Variants in THADA observed in about 807,000 individuals in gnomAD.
THADA encodes the protein THADA armadillo repeat containing, also known as tRNA (32-2'-O)-methyltransferase regulator THADA.
In THADA, 213 loss-of-function variants were observed where a neutral mutation model predicts 219.8. The observed-to-expected ratio is 0.97, with a 90% CI of 0.87 to 1.09. The LOEUF (loss-of-function observed/expected upper bound fraction) is 1.09, where lower values mean the gene tolerates loss of function less well. Among genes scored for constraint, THADA ranks in the 50% least tolerant of loss-of-function variants. THADA has a pLI of 0.00. For missense variants in THADA, 2,956 were observed against 2,311.3 expected, an observed-to-expected ratio of 1.28 and a Z score of -5.72; for synonymous variants, 1,018 against 828.9, an observed-to-expected ratio of 1.23 and a Z score of -3.92.
At chr2:43,386,752 C>T (rs1476369900) in intron 29 of THADA, among the ~76,000 whole-genome samples, 2 of 151,960 alleles carry the variant, frequency 1.3e-5, no homozygotes, top group African/African-American at 4.8e-5. Context: ...AAAAATTAGC[C>T]AGGTGCCAGT....
intron 27 of THADA, among the ~76,000 whole-genome samples, chr2:43,428,561 C>T (rs1337923644): frequency 2.6e-5 from 4 of 152,122 alleles, no homozygotes; most frequent in East Asian, 3.9e-4. Context: ...GCCAAGATCA[C>T]GCCACTGCAC....
At chr2:43,263,918 G>A (rs1170495244) in intron 36 of THADA, among the ~76,000 whole-genome samples, 6 of 151,756 alleles carry the variant, frequency 4.0e-5, no homozygotes, top group Admixed American at 3.9e-4. Flanking sequence ...ATACAGCTAA[G>A]CCTTTCATTA....
At chr2:43,493,564 G>A (rs942873540) in intron 25 of THADA, among the ~76,000 whole-genome samples, 1 of 152,062 alleles carries the variant, frequency 6.6e-6, no homozygotes, top group Non-Finnish European at 1.5e-5. Context: ...TTTTTGGGCG[G>A]GCTCCACTGG....
At chr2:43,356,956 A>G (rs752232437) in intron 29 of THADA, among the ~76,000 whole-genome samples, 8 of 152,212 alleles carry the variant, frequency 5.3e-5, no homozygotes, top group Admixed American at 2.0e-4. Context: ...CAACTTTGCA[A>G]AAAGATACAG....
At chr2:43,376,708 C>A (rs779050997) in intron 29 of THADA, among the ~76,000 whole-genome samples, 1 of 152,164 alleles carries the variant, frequency 6.6e-6, no homozygotes, top group Non-Finnish European at 1.5e-5. Flanking sequence ...AGATACATTA[C>A]AACACACTTA....
At chr2:43,472,830 A>G (rs1685061641) in intron 26 of THADA, among the ~76,000 whole-genome samples, 1 of 152,210 alleles carries the variant, frequency 6.6e-6, no homozygotes, top group Non-Finnish European at 1.5e-5. Flanking sequence ...TATTGTACTA[A>G]ATACTGTAGG....
At chr2:43,380,092 T>G (rs1420092172) in intron 29 of THADA, among the ~76,000 whole-genome samples, 1 of 152,204 alleles carries the variant, frequency 6.6e-6, no homozygotes, top group Non-Finnish European at 1.5e-5. Flanking sequence ...TATGATATTA[T>G]AGTGGTGGGT....
intron 29 of THADA, among the ~76,000 whole-genome samples, chr2:43,371,336 A>G (rs1022037706): frequency 6.6e-6 from 1 of 152,212 alleles, no homozygotes; most frequent in Admixed American, 6.5e-5. Context: ...TCTGAAATGT[A>G]TAGCTTGATG....
intron 7 of THADA, among the ~76,000 whole-genome samples, chr2:43,584,677 T>C (rs749854117): frequency 6.6e-6 from 1 of 152,170 alleles, no homozygotes; most frequent in Non-Finnish European, 1.5e-5. Flanking sequence ...GGATGAGTGA[T>C]AACTGACAGC....
intron 36 of THADA, among the ~76,000 whole-genome samples, chr2:43,242,233 TACC>T (rs906136039): frequency 5.9e-5 from 9 of 152,260 alleles, no homozygotes; most frequent in Non-Finnish European, 7.3e-5. Flanking sequence ...ACTGCCCAGA[TACC>T]ACCCGCTTAG....
chr2:43,528,676 A>G (rs1309509963), intron 21 of THADA, among the ~76,000 whole-genome samples: 2 of 152,168 alleles, frequency 1.3e-5, no homozygotes, highest in African/African-American at 4.8e-5. Context: ...CACAAACCTC[A>G]GTATGTTTTC....
intron 36 of THADA, among the ~76,000 whole-genome samples, chr2:43,278,715 T>C (rs940462650): frequency 3.9e-5 from 6 of 152,186 alleles, no homozygotes; most frequent in African/African-American, 1.4e-4. Context: ...ACAGACCATT[T>C]TGACTGAGGA....
intron 26 of THADA, among the ~76,000 whole-genome samples, chr2:43,476,829 C>A (rs1421840204): frequency 6.6e-6 from 1 of 152,082 alleles, no homozygotes; most frequent in Non-Finnish European, 1.5e-5. Context: ...TACTAATGGT[C>A]AAATCATTGG....
At chr2:43,508,501 T>A (rs1689983222) in intron 23 of THADA, 147 bp downstream of exon 23, 3 of 775,802 alleles carry the variant, frequency 3.9e-6, no homozygotes, top group Non-Finnish European at 5.8e-6. Context: ...CATCCCCACA[T>A]TAAAACAAAG....
chr2:43,416,861 G>A (rs1234829238), intron 28 of THADA, among the ~76,000 whole-genome samples: 1 of 152,158 alleles, frequency 6.6e-6, no homozygotes. Flanking sequence ...GCAGTTTCCT[G>A]AAGTTATTAT....
At chr2:43,455,156 C>T (rs1682828360) in intron 26 of THADA, among the ~76,000 whole-genome samples, 1 of 152,148 alleles carries the variant, frequency 6.6e-6, no homozygotes, top group Admixed American at 6.5e-5. Context: ...CATGTTCCAT[C>T]TCCCTCTCTC....
chr2:43,543,899 G>T (rs570162259), intron 20 of THADA, among the ~76,000 whole-genome samples: 43 of 151,798 alleles, frequency 2.8e-4, no homozygotes, highest in African/African-American at 1.0e-3. Flanking sequence ...GTCAATTTTG[G>T]CTTTTGTTGC....
At chr2:43,300,822 C>A (rs1676170636) in intron 31 of THADA, among the ~76,000 whole-genome samples, 1 of 152,170 alleles carries the variant, frequency 6.6e-6, no homozygotes, top group Non-Finnish European at 1.5e-5. Context: ...TGCAGCAACT[C>A]GGACTCAAGG....
chr2:43,258,037 C>T (rs1342467123), intron 36 of THADA, among the ~76,000 whole-genome samples: 1 of 152,116 alleles, frequency 6.6e-6, no homozygotes, highest in Non-Finnish European at 1.5e-5. Context: ...ATTACTGACA[C>T]CTCCTACTGC....
Sources: allele counts gnomAD v4.1 joint callset (sites outside exome capture counted in the v4.1 genomes callset), GRCh38; gene constraint gnomAD v4.1.1; transcripts MANE v1.5; gene names NCBI Gene and HGNC (gene_info 2026-07-23, HGNC 2026-07-21).